Variants in PRORP observed in about 807,000 individuals in gnomAD.
PRORP encodes the protein protein only RNase P catalytic subunit, also known as mitochondrial ribonuclease P catalytic subunit.
Under a neutral mutation model 59.4 loss-of-function variants are expected in PRORP, and 51 were observed. The ratio of observed to expected loss-of-function variants is 0.86; its 90% CI spans 0.69 to 1.08. The LOEUF (loss-of-function observed/expected upper bound fraction) is 1.08. Ranked by LOEUF, PRORP falls within the 50% of genes least tolerant of loss-of-function variation. The probability of loss-of-function intolerance (pLI) is 0.00; values close to 1 mark genes in which losing one functional copy is unlikely to be tolerated. For missense variants in PRORP, 646 were observed against 690.3 expected, an observed-to-expected ratio of 0.94 and a Z score of 0.72; for synonymous variants, 231 against 245.6, an observed-to-expected ratio of 0.94 and a Z score of 0.55.
At chr14:35,172,408 C>A (rs1172284190) in intron 4 of PRORP, among the ~76,000 whole-genome samples, 3 of 107,584 alleles carry the variant, frequency 2.8e-5, no homozygotes, top group East Asian at 6.2e-4. Context: ...GGATTGGTTT[C>A]TTTCTTTCCT....
chr14:35,227,175 G>A (rs1324158336), intron 5 of PRORP, among the ~76,000 whole-genome samples: 1 of 151,924 alleles, frequency 6.6e-6, no homozygotes, highest in African/African-American at 2.4e-5. Flanking sequence ...CAGGCGCGGT[G>A]GCTCATGCCT....
rs554441057 is a variant in PRORP at position 35,210,669 on chromosome 14, T to G, written c.1275+29892T>G. On this transcript the variant is annotated intron_variant, in intron 5 of 7. Coordinates refer to ENST00000534898, the MANE Select transcript of PRORP (RefSeq NM_014672.4). The stretch of plus-strand genomic sequence containing the variant: ...TCACCAAATTTAGATACTAGATAAA[T>G]AAATTAATTTAGATATCGGGAATAC... Among the ~76,000 whole-genome samples, 16 of 146,078 alleles carry G rather than the reference T, an allele frequency of 1.1e-4. 1 individual carries two copies. In the South Asian group the frequency reaches 1.3e-3, roughly 12 times the overall value.
At chr14:35,236,819 C>T (rs2050226583) in intron 5 of PRORP, among the ~76,000 whole-genome samples, 1 of 147,644 alleles carries the variant, frequency 6.8e-6, no homozygotes, top group African/African-American at 2.5e-5. Context: ...CTGAACTTGC[C>T]ATCTTCCTGC....
At chr14:35,268,228 C>A (rs550771185) in intron 6 of PRORP, among the ~76,000 whole-genome samples, 21 of 151,636 alleles carry the variant, frequency 1.4e-4, no homozygotes, top group African/African-American at 4.8e-4. Context: ...CCTTGTAGTC[C>A]CAGGTACTCG....
chr14:35,149,180 A>G (rs2047683521), intron 4 of PRORP, among the ~76,000 whole-genome samples: 1 of 150,682 alleles, frequency 6.6e-6, no homozygotes, highest in Admixed American at 6.6e-5. Flanking sequence ...CGGCCTCCCA[A>G]AGTGCTGGGA....
intron 4 of PRORP, among the ~76,000 whole-genome samples, chr14:35,179,502 T>G (rs1389727002): frequency 2.0e-5 from 3 of 152,246 alleles, no homozygotes; most frequent in Admixed American, 6.5e-5. Flanking sequence ...CTTCCATCAC[T>G]GATACCCTTT....
chr14:35,157,534 C>T (rs562210120), intron 4 of PRORP, among the ~76,000 whole-genome samples: 44 of 152,274 alleles, frequency 2.9e-4, no homozygotes, highest in African/African-American at 9.6e-4. Context: ...AAAACCCAGG[C>T]ACCCGCTGCC....
intron 5 of PRORP, among the ~76,000 whole-genome samples, chr14:35,251,979 C>G (rs2050627097): frequency 6.6e-6 from 1 of 152,188 alleles, no homozygotes; most frequent in African/African-American, 2.4e-5. Context: ...GACCAGAATA[C>G]AAAACCATGG....
At chr14:35,244,441 A>G (rs2050435651) in intron 5 of PRORP, among the ~76,000 whole-genome samples, 1 of 150,882 alleles carries the variant, frequency 6.6e-6, no homozygotes, top group Non-Finnish European at 1.5e-5. Flanking sequence ...CTTCTTGGAT[A>G]TTATCTTTTT....
intron 5 of PRORP, among the ~76,000 whole-genome samples, chr14:35,181,337 A>C (rs1304988754): frequency 1.3e-5 from 2 of 152,142 alleles, no homozygotes; most frequent in African/African-American, 4.8e-5. Flanking sequence ...TATTTTGTAG[A>C]TTAAAAAATT....
At chr14:35,221,129 C>T (rs2049768021) in intron 5 of PRORP, among the ~76,000 whole-genome samples, 1 of 152,170 alleles carries the variant, frequency 6.6e-6, no homozygotes, top group South Asian at 2.1e-4. Flanking sequence ...TGTTTTAGAG[C>T]CTTGCCTCCC....
At chr14:35,203,054 G>GT (rs879433852) in intron 5 of PRORP, among the ~76,000 whole-genome samples, 2 of 152,032 alleles carry the variant, frequency 1.3e-5, no homozygotes, top group Non-Finnish European at 2.9e-5. Flanking sequence ...TAATAAGAAG[G>GT]TTTTTTTAAA....
rs11392565 is a variant in PRORP at position 35,275,859 on chromosome 14, T to TA, written c.*2295dup. On this transcript the variant is annotated 3_prime_UTR_variant, in exon 8 of 8. Transcript: ENST00000534898. ...GAAAACTAGAACTTTAGAGCAGGAG[T>TA]AACCTTAGAGCATGTAAAGTCCATT... 0.78 allele frequency: 117,689 copies of TA among 151,310 alleles called. 45,788 individuals are homozygous for TA. The highest frequency in any genetic ancestry group is 0.83 in the Middle Eastern group (243 of 294). The allele number at this position is 151,310 out of a possible 1,614,324, so 9.4% of individuals were successfully genotyped here.
At chr14:35,189,423 T>C (rs569285414) in intron 5 of PRORP, among the ~76,000 whole-genome samples, 168 of 148,640 alleles carry the variant, frequency 1.1e-3, no homozygotes, top group Admixed American at 1.9e-3. Flanking sequence ...AAAAGAAAAA[T>C]TCTGAGCTTT....
intron 4 of PRORP, among the ~76,000 whole-genome samples, chr14:35,135,005 C>T (rs2047337950): frequency 6.6e-6 from 1 of 152,158 alleles, no homozygotes; most frequent in African/African-American, 2.4e-5. Context: ...GTTTAAATGC[C>T]CCTTCTGTGG....
chr14:35,198,579 C>T (rs2049063444), intron 5 of PRORP, among the ~76,000 whole-genome samples: 1 of 152,132 alleles, frequency 6.6e-6, no homozygotes, highest in Non-Finnish European at 1.5e-5. Flanking sequence ...CAGGGCTAGA[C>T]CTTGTTTTAA....
intron 2 of PRORP, among the ~76,000 whole-genome samples, chr14:35,125,815 A>G (rs180904699): frequency 1.3e-5 from 2 of 152,304 alleles, no homozygotes; most frequent in East Asian, 3.9e-4. Flanking sequence ...TGAGGCCAGG[A>G]GTTGGAGACC....
Position 35,266,917 on chromosome 14 carries a change from AC to A in PRORP, c.1424+43del. ...ATAGGTGAATTATACTGTGCTGCAG[AC>A]ATCTATCTGCTTGTTAGTTACCTAC... On this transcript the variant is annotated intron_variant, in intron 6 of 7. Transcript: ENST00000534898. The A allele has an allele frequency of 2.5e-6, 4 of 1,604,394 alleles. No homozygotes were observed. The South Asian group carries it at 4.4e-5, about 18-fold the overall frequency.
chr14:35,154,737 A>G (rs768900252), intron 4 of PRORP, among the ~76,000 whole-genome samples: 2 of 152,016 alleles, frequency 1.3e-5, no homozygotes, highest in Non-Finnish European at 2.9e-5. Context: ...TGATCTATAG[A>G]TAAAAGCAAT....
Sources: gnomAD v4.1 joint callset for allele counts (sites outside exome capture counted in the v4.1 genomes callset) on GRCh38, gnomAD v4.1.1 for gene constraint, MANE v1.5 for transcripts, NCBI Gene and HGNC (gene_info 2026-07-23, HGNC 2026-07-21) for gene names.